Variants in CDH12 observed in about 807,000 individuals in gnomAD.
The protein encoded by CDH12 is cadherin-12.
In CDH12, 41 loss-of-function variants were observed where a neutral mutation model predicts 74.1. That is an observed-to-expected ratio of 0.55 (90% CI 0.43 to 0.72). CDH12 has a LOEUF of 0.72. Among genes scored for constraint, CDH12 ranks in the 30% least tolerant of loss-of-function variants. The pLI, the probability that CDH12 is intolerant of heterozygous loss-of-function variation, is 0.00. For missense variants in CDH12, 945 were observed against 977.2 expected (o/e 0.97, Z 0.44); for synonymous variants, 399 against 355.0 (o/e 1.12, Z -1.39).
rs751514623 is a variant in CDH12 at position 22,111,987 on chromosome 5, ATCT to A, written c.-186-33128_-186-33126del. Among the ~76,000 whole-genome samples the A allele has an allele frequency of 3.9e-5, 6 of 152,264 alleles. No individual in the cohort carries two copies. In the East Asian group the frequency reaches 5.8e-4, roughly 15 times the overall value. On this transcript the variant is annotated intron_variant, in intron 4 of 14. Coordinates refer to ENST00000382254, the MANE Select transcript of CDH12 (RefSeq NM_004061.5). ...GTAATATTACTCATATTATTTGAAA[ATCT>A]TCTTCAAGTAATTCCCTATAACATT...
At chr5:22,226,172 G>A (rs1292428701) in intron 3 of CDH12, among the ~76,000 whole-genome samples, 1 of 151,490 alleles carries the variant, frequency 6.6e-6, no homozygotes, top group Non-Finnish European at 1.5e-5. Flanking sequence ...CTGCAAGGGC[G>A]GACCTCTCTA....
intron 6 of CDH12, among the ~76,000 whole-genome samples, chr5:21,937,417 C>T (rs1383545827): frequency 3.3e-5 from 5 of 152,060 alleles, no homozygotes; most frequent in Admixed American, 2.6e-4. Flanking sequence ...GATACTGATA[C>T]AATAGTCCAG....
At chr5:22,646,258 A>G (rs1739426495) in intron 1 of CDH12, among the ~76,000 whole-genome samples, 1 of 151,848 alleles carries the variant, frequency 6.6e-6, no homozygotes. Context: ...CTTTTCTTTC[A>G]GAGAAGAGGA....
chr5:22,554,711 C>T (rs1354693394), intron 1 of CDH12, among the ~76,000 whole-genome samples: 1 of 151,964 alleles, frequency 6.6e-6, no homozygotes, highest in Admixed American at 6.6e-5. Context: ...ATGATATCTG[C>T]TAGCATAAAG....
intron 4 of CDH12, among the ~76,000 whole-genome samples, chr5:22,126,538 A>C (rs1027988979): frequency 9.2e-5 from 14 of 152,216 alleles, no homozygotes; most frequent in African/African-American, 2.9e-4. Flanking sequence ...TATAAAAAAA[A>C]CTTATATACA....
chr5:22,619,178 A>G (rs1737840359), intron 1 of CDH12, among the ~76,000 whole-genome samples: 1 of 152,038 alleles, frequency 6.6e-6, no homozygotes, highest in South Asian at 2.1e-4. Context: ...ACTTTTGTTC[A>G]TTTGTTTTGG....
At chr5:22,564,040 G>A (rs1739181630) in intron 1 of CDH12, among the ~76,000 whole-genome samples, 1 of 152,046 alleles carries the variant, frequency 6.6e-6, no homozygotes, top group Non-Finnish European at 1.5e-5. Context: ...AATGAAAGAT[G>A]AATCTATAGC....
intron 1 of CDH12, among the ~76,000 whole-genome samples, chr5:22,806,629 C>T (rs1251420961): frequency 6.6e-6 from 1 of 152,140 alleles, no homozygotes; most frequent in East Asian, 1.9e-4. Context: ...GCTGGGATTA[C>T]AAGCATGAGC....
chr5:22,153,977 T>C (rs1747825895), intron 4 of CDH12, among the ~76,000 whole-genome samples: 1 of 146,966 alleles, frequency 6.8e-6, no homozygotes, highest in South Asian at 2.1e-4. Flanking sequence ...CACACATACA[T>C]GCACAGATAT....
chr5:22,153,903 T>TACACACACAC (rs773341844), intron 4 of CDH12, among the ~76,000 whole-genome samples: 2,350 of 110,602 alleles, frequency 0.021, 47 homozygotes, highest in Non-Finnish European at 0.031. Flanking sequence ...TATATATATA[T>TACACACACAC]ACACACACAT....
chr5:22,851,364 G>A (rs961780402), intron 1 of CDH12, among the ~76,000 whole-genome samples: 2 of 152,094 alleles, frequency 1.3e-5, no homozygotes, highest in Non-Finnish European at 1.5e-5. Flanking sequence ...CACCACAGTA[G>A]AAGTTAAGAA....
At chr5:22,612,043 T>C (rs968567139) in intron 1 of CDH12, among the ~76,000 whole-genome samples, 1 of 152,178 alleles carries the variant, frequency 6.6e-6, no homozygotes, top group African/African-American at 2.4e-5. Flanking sequence ...TTAAAAACAT[T>C]TGGTAATGTA....
chr5:22,766,154 C>T (rs959521341), intron 1 of CDH12, among the ~76,000 whole-genome samples: 3 of 151,898 alleles, frequency 2.0e-5, no homozygotes, highest in African/African-American at 7.2e-5. Context: ...ATTAAAAACT[C>T]AAACAATAAT....
chr5:22,072,128 C>T (rs1741984799), intron 5 of CDH12, among the ~76,000 whole-genome samples: 1 of 152,094 alleles, frequency 6.6e-6, no homozygotes, highest in Non-Finnish European at 1.5e-5. Context: ...GTCTTCAATG[C>T]ATCTTTTAAT....
intron 1 of CDH12, among the ~76,000 whole-genome samples, chr5:22,675,980 A>G (rs2126921435): frequency 6.7e-6 from 1 of 150,014 alleles, no homozygotes; most frequent in Middle Eastern, 3.4e-3. Flanking sequence ...CTTCAGATCC[A>G]TTAAGGAACA....
chr5:22,851,988 C>T (rs1737578252), intron 1 of CDH12, among the ~76,000 whole-genome samples: 2 of 152,102 alleles, frequency 1.3e-5, no homozygotes, highest in South Asian at 2.1e-4. Context: ...CTAATACCTG[C>T]TTGGCATGGT....
intron 6 of CDH12, among the ~76,000 whole-genome samples, chr5:21,922,384 T>C (rs745472680): frequency 2.0e-5 from 3 of 152,180 alleles, no homozygotes; most frequent in Non-Finnish European, 4.4e-5. Flanking sequence ...CCTTGCTTCT[T>C]AATGGCTAAA....
At chr5:21,902,467 C>G (rs978249527) in intron 6 of CDH12, among the ~76,000 whole-genome samples, 1 of 152,004 alleles carries the variant, frequency 6.6e-6, no homozygotes, top group Non-Finnish European at 1.5e-5. Context: ...CCATAACAGA[C>G]TTAATGCAGA....
chr5:22,502,378 T>A (rs2126658025), intron 2 of CDH12, among the ~76,000 whole-genome samples: 2 of 152,248 alleles, frequency 1.3e-5, no homozygotes, highest in Middle Eastern at 6.8e-3. Flanking sequence ...CCCAGCCATG[T>A]GGAACTGTGA....
Sources: allele counts gnomAD v4.1 joint callset (sites outside exome capture counted in the v4.1 genomes callset), GRCh38; gene constraint gnomAD v4.1.1; transcripts MANE v1.5; gene names NCBI Gene and HGNC (gene_info 2026-07-23, HGNC 2026-07-21).